CAMTA1: variants seen among roughly 807,000 people sequenced by gnomAD.
CAMTA1 encodes calmodulin binding transcription activator 1.
CAMTA1 carries 27 observed loss-of-function variants against 170.9 expected under a neutral mutation model. The observed-to-expected ratio is 0.16, with a 90% CI of 0.12 to 0.22. CAMTA1 has a LOEUF of 0.22. Among genes scored for constraint, CAMTA1 ranks in the 10% least tolerant of loss-of-function variants. The probability of loss-of-function intolerance (pLI) is 1.00; values close to 1 mark genes in which losing one functional copy is unlikely to be tolerated. For missense variants in CAMTA1, 1,619 were observed against 2,217.2 expected (o/e 0.73, Z 5.42); for synonymous variants, 833 against 891.5 (o/e 0.93, Z 1.17).
intron 19 of CAMTA1, 22 bp downstream of exon 19, chr1:7,747,803 C>T (rs546973100): frequency 1.3e-6 from 2 of 1,575,396 alleles, no homozygotes; most frequent in Non-Finnish European, 1.7e-6. Flanking sequence ...TTTTGCACCA[C>T]AGAAGGAAAC....
intron 6 of CAMTA1, among the ~76,000 whole-genome samples, chr1:7,557,123 C>T (rs2094889670): frequency 6.6e-6 from 1 of 151,996 alleles, no homozygotes. Flanking sequence ...GCCTGGGCAA[C>T]ATGGCGAAAC....
At chr1:7,402,212 G>A (rs2089954224) in intron 5 of CAMTA1, among the ~76,000 whole-genome samples, 1 of 152,158 alleles carries the variant, frequency 6.6e-6, no homozygotes, top group African/African-American at 2.4e-5. Flanking sequence ...GGATGAGTCA[G>A]GAGACAGCTG....
chr1:7,145,366 A>G (rs1558163197), intron 4 of CAMTA1, among the ~76,000 whole-genome samples: 1 of 152,342 alleles, frequency 6.6e-6, no homozygotes, highest in Non-Finnish European at 1.5e-5. Flanking sequence ...AGACTTCAAA[A>G]AAGGGTTTAA....
At chr1:7,153,138 TA>T (rs1206806030) in intron 4 of CAMTA1, among the ~76,000 whole-genome samples, 1 of 152,204 alleles carries the variant, frequency 6.6e-6, no homozygotes, top group Non-Finnish European at 1.5e-5. Context: ...GAGAGATGCA[TA>T]ATGAATGTCT....
chr1:7,145,554 G>C (rs1483359766), intron 4 of CAMTA1, among the ~76,000 whole-genome samples: 1 of 152,198 alleles, frequency 6.6e-6, no homozygotes, highest in East Asian at 1.9e-4. Context: ...ATGAGCTGGA[G>C]CTGGGCCCAA....
chr1:7,503,515 G>A (rs370746092), intron 6 of CAMTA1, among the ~76,000 whole-genome samples: 1 of 152,156 alleles, frequency 6.6e-6, no homozygotes, highest in Non-Finnish European at 1.5e-5. Flanking sequence ...GGGAATGGTC[G>A]CTGCCCTCCC....
chr1:6,969,277 A>G (rs1171235112), intron 3 of CAMTA1, among the ~76,000 whole-genome samples: 1 of 152,046 alleles, frequency 6.6e-6, no homozygotes, highest in African/African-American at 2.4e-5. Flanking sequence ...GGCAGGAAGG[A>G]GGTGGTGTTT....
intron 3 of CAMTA1, among the ~76,000 whole-genome samples, chr1:7,035,012 C>A (rs892839514): frequency 6.6e-6 from 1 of 152,114 alleles, no homozygotes; most frequent in African/African-American, 2.4e-5. Context: ...TTCAAGACAA[C>A]CATCATACTT....
intron 3 of CAMTA1, among the ~76,000 whole-genome samples, chr1:6,980,525 T>C (rs938533936): frequency 6.6e-6 from 1 of 152,156 alleles, no homozygotes; most frequent in African/African-American, 2.4e-5. Flanking sequence ...GGTTATACAG[T>C]GATTTGGTTT....
chr1:7,477,809 G>T (rs1209363415), intron 6 of CAMTA1, among the ~76,000 whole-genome samples: 1 of 152,102 alleles, frequency 6.6e-6, no homozygotes, highest in African/African-American at 2.4e-5. Context: ...CTGCTATGTG[G>T]CCAGAGCCCT....
intron 5 of CAMTA1, among the ~76,000 whole-genome samples, chr1:7,266,906 C>G (rs1669023969): frequency 6.6e-6 from 1 of 152,144 alleles, no homozygotes; most frequent in Admixed American, 6.5e-5. Flanking sequence ...GGGGCCAGGA[C>G]CCAGGTGGCA....
chr1:7,038,286 G>GCATT (rs1313637313), intron 3 of CAMTA1, among the ~76,000 whole-genome samples: 2 of 152,126 alleles, frequency 1.3e-5, no homozygotes, highest in Admixed American at 1.3e-4. Context: ...ATTCATTGTG[G>GCATT]CATTGTTTGT....
At chr1:7,188,221 T>C (rs540297234) in intron 4 of CAMTA1, among the ~76,000 whole-genome samples, 5 of 152,272 alleles carry the variant, frequency 3.3e-5, no homozygotes, top group Middle Eastern at 3.4e-3. Flanking sequence ...AGGATTACAA[T>C]TCAAGATGAG....
At chr1:7,219,426 A>G (rs536802809) in intron 4 of CAMTA1, 13 of 151,272 alleles carry the variant, frequency 8.6e-5, no homozygotes, top group African/African-American at 2.7e-4. Context: ...AGGCTTATCC[A>G]TTGTGCGCCA....
At chr1:7,347,393 C>T (rs1009200881) in intron 5 of CAMTA1, among the ~76,000 whole-genome samples, 2 of 152,196 alleles carry the variant, frequency 1.3e-5, no homozygotes, top group South Asian at 2.1e-4. Context: ...GGGCCTCTGC[C>T]GTCACACCAG....
At chr1:7,705,902 C>G (rs1267759552) in intron 11 of CAMTA1, among the ~76,000 whole-genome samples, 1 of 152,124 alleles carries the variant, frequency 6.6e-6, no homozygotes, top group African/African-American at 2.4e-5. Context: ...CGCAGATGGG[C>G]CAGGATAGAT....
intron 11 of CAMTA1, among the ~76,000 whole-genome samples, chr1:7,707,733 A>G (rs1455706161): frequency 6.6e-6 from 1 of 152,202 alleles, no homozygotes; most frequent in Non-Finnish European, 1.5e-5. Context: ...CACATTTAAC[A>G]TTTCAGAAGT....
intron 6 of CAMTA1, among the ~76,000 whole-genome samples, chr1:7,504,103 G>A (rs1388713062): frequency 6.6e-6 from 1 of 152,180 alleles, no homozygotes; most frequent in African/African-American, 2.4e-5. Context: ...GGGCAGTGGT[G>A]GGTTCTTAGG....
In CAMTA1 at chr1:7,609,091, G is replaced by A. The variant is rs373470240; in HGVS notation, c.511-31309G>A. ...GGCAGTGCTGAGTCACTTCCTGCCAGAGGACAGGGTCTGAACTCCCAGGAC... is the reference window on the plus strand; with the variant it reads ...GGCAGTGCTGAGTCACTTCCTGCCAAAGGACAGGGTCTGAACTCCCAGGAC... On this transcript the variant is annotated intron_variant, in intron 6 of 22. Transcript: ENST00000303635. This position sits in a 1 kb window ranked among gnomAD's most constrained non-coding sequence, Gnocchi z 4.4. Among the ~76,000 whole-genome samples, 5 of 152,174 alleles carry A rather than the reference G, an allele frequency of 3.3e-5. No homozygotes were observed. The highest frequency in any genetic ancestry group is 1.9e-4 in the East Asian group (1 of 5,152).
Sources: allele counts gnomAD v4.1 joint callset (sites outside exome capture counted in the v4.1 genomes callset), GRCh38; gene constraint gnomAD v4.1.1; non-coding constraint Gnocchi (gnomAD v3.1); transcripts MANE v1.5; gene names NCBI Gene and HGNC (gene_info 2026-07-23, HGNC 2026-07-21).